TNXB: variants seen among roughly 807,000 people sequenced by gnomAD.
The protein encoded by TNXB is tenascin-X.
In TNXB, 183 loss-of-function variants were observed where a neutral mutation model predicts 340.5. The observed-to-expected ratio is 0.54, with a 90% CI of 0.48 to 0.61. TNXB has a LOEUF of 0.61. Ranked by LOEUF, TNXB falls within the 20% of genes least tolerant of loss-of-function variation. The pLI is 0.00. For missense variants in TNXB, 4,613 were observed against 5,446.4 expected (o/e 0.85, Z 4.82); for synonymous variants, 2,121 against 2,314.5 (o/e 0.92, Z 2.40).
intron 4 of TNXB, 90 bp downstream of exon 4, chr6:32,094,986 A>G: frequency 9.1e-7 from 1 of 1,099,392 alleles, no homozygotes; most frequent in Non-Finnish European, 1.3e-6. Context: ...GGACTCAACC[A>G]ATGATCACCT....
intron 1 of TNXB, among the ~76,000 whole-genome samples, chr6:32,105,403 T>C (rs1485951288): frequency 6.6e-6 from 1 of 152,220 alleles, no homozygotes; most frequent in South Asian, 2.1e-4. Flanking sequence ...TCCAAAGTAA[T>C]AATAAATATA....
Position 32,053,515 on chromosome 6 carries a change from C to T in TNXB, c.8664G>A (p.Val2888=). 1.2e-6 allele frequency: 2 copies of T among 1,613,596 alleles called. No homozygotes were observed. Among genetic ancestry groups the T allele is most frequent in the Non-Finnish European group, 8.5e-7 (1 of 1,179,888 alleles). ...YRNGDGQPKV[V]RVPGHEDGVT... is the part of the protein sequence containing the mutation. ...CCCCGTCCTCGTGCCCCGGCACCCG[C>T]ACCACCTTGGGCTGCCCATCCCCAT... Residue 2888 remains valine (V), a synonymous_variant, in exon 25 of 44, where the codon GTG becomes GTA. Transcript: ENST00000644971.
Position 32,092,576 on chromosome 6 carries a change from G to A in TNXB, c.2358+2500C>T, listed in dbSNP as rs140603384. 7.9e-4 allele frequency among the ~76,000 whole-genome samples: 120 copies of A among 152,056 alleles called. 2 individuals are homozygous for A. In the Middle Eastern group the frequency reaches 0.014, roughly 17 times the overall value. ...ATTGTGGCAGGTGTCTGTAATCCCA[G>A]CTACTTGGGAGGCTGAGGCAGGAGA... On this transcript the variant is annotated intron_variant, in intron 4 of 43. Coordinates refer to ENST00000644971, the MANE Select transcript of TNXB (RefSeq NM_001365276.2).
chr6:32,069,931 ATT>A lies in TNXB; in HGVS notation c.5279-72_5279-71del. The A allele has an allele frequency of 6.8e-7, 1 of 1,470,766 alleles. No individual in the cohort carries two copies. The highest frequency in any genetic ancestry group is 1.4e-5 in the African/African-American group (1 of 71,474). 91.1% of individuals were successfully genotyped at this position (1,470,766 alleles called of 1,614,324 possible). A position where few individuals can be genotyped will look rare whatever the true frequency, so the allele number is the denominator to read the frequency against. On this transcript the variant is annotated intron_variant, in intron 14 of 43. Transcript: ENST00000644971. This position sits in a 1 kb window ranked among gnomAD's most constrained non-coding sequence, Gnocchi z 6.2. Reference sequence around the variant, plus strand: ...AGACTGGGTGACCTCGACGGGCAGGATTGAGAGGTCTGGAGACAGGGCTTTGC... The same window carrying A: ...AGACTGGGTGACCTCGACGGGCAGGAGAGAGGTCTGGAGACAGGGCTTTGC...
At chr6:32,071,476 A>G (rs1451887415) in intron 13 of TNXB, among the ~76,000 whole-genome samples, 1 of 152,036 alleles carries the variant, frequency 6.6e-6, no homozygotes, top group Non-Finnish European at 1.5e-5. Flanking sequence ...CTCATCCAAC[A>G]AAAGTGGAAA....
intron 1 of TNXB, among the ~76,000 whole-genome samples, chr6:32,107,739 G>A (rs1781051189): frequency 6.6e-6 from 1 of 152,138 alleles, no homozygotes; most frequent in Non-Finnish European, 1.5e-5. Flanking sequence ...GGTGGGGAGA[G>A]GGGCTGGCTT....
Position 32,058,240 on chromosome 6 carries a change from C to G in TNXB, c.7643G>C (p.Arg2548Pro), listed in dbSNP as rs769703381. The change falls in exon 22 of 44, where the codon CGC becomes CCC. Residue 2548 changes from arginine to proline, a missense_variant. Around this residue, in one of 7 missense-constraint regions of TNXB, gnomAD observed 4,327 missense variants for 4,859.4 expected, o/e 0.89. Coordinates refer to ENST00000644971, the MANE Select transcript of TNXB (RefSeq NM_001365276.2). The surrounding 1 kb of genome is among the most constrained non-coding windows in gnomAD (Gnocchi z 5.1). ...GTACTGCACGGTGAAGGAGTCAAAG[C>G]GGCCCTGGGGGACGGTCCAGGAAAG... ...LSLSWTVPQG[R>P]FDSFTVQYKD... The G allele has an allele frequency of 1.2e-6, 2 of 1,612,426 alleles. No homozygotes were observed. Among genetic ancestry groups the G allele is most frequent in the South Asian group, 2.2e-5 (2 of 91,062 alleles).
chr6:32,052,570 G>A lies in TNXB; in HGVS notation c.9115+100C>T. The A allele has an allele frequency of 2.7e-6, 4 of 1,472,198 alleles. No individual in the cohort carries two copies. The highest frequency in any genetic ancestry group is 2.3e-5 in the East Asian group (1 of 43,204). The allele number at this position is 1,472,198 out of a possible 1,614,324, so 91.2% of individuals were successfully genotyped here. On this transcript the variant is annotated intron_variant, in intron 26 of 43. Coordinates refer to ENST00000644971, the MANE Select transcript of TNXB (RefSeq NM_001365276.2). This position sits in a 1 kb window ranked among gnomAD's most constrained non-coding sequence, Gnocchi z 4.7. ...ATCTCCAGGCATTTGGATACACAAA[G>A]GAAGGAATACTCTTCAGAGTATGTT...
At position 32,081,933 on chromosome 6, in the gene TNXB, A is replaced by C. The variant is rs1322346436; in HGVS notation, c.3736+103T>G. The stretch of plus-strand genomic sequence containing the variant: ...CCCTGGAGTGGGGCCGGGAAGCTGG[A>C]GTCAGCTGTCTTGCTGGGGGACCCC... On this transcript the variant is annotated intron_variant, in intron 9 of 43. Transcript: ENST00000644971. The surrounding 1 kb of genome is among the most constrained non-coding windows in gnomAD (Gnocchi z 5.1). The C allele has an allele frequency of 8.5e-7, 1 of 1,178,204 alleles. No homozygotes were observed. Among genetic ancestry groups the C allele is most frequent in the Non-Finnish European group, 1.2e-6 (1 of 840,350 alleles). The allele number at this position is 1,178,204 out of a possible 1,614,324, so 73.0% of individuals were successfully genotyped here. A position where few individuals can be genotyped will look rare whatever the true frequency, so the allele number is the denominator to read the frequency against.
chr6:32,070,271 C>A lies in TNXB; in HGVS notation c.5134G>T (p.Asp1712Tyr). The change falls in exon 14 of 44, where the codon GAC becomes TAC. Residue 1712 changes from aspartate (D) to tyrosine (Y), a missense_variant. Asp to Tyr is a radical substitution (Grantham distance 160, BLOSUM62 -3). This residue lies in a region of TNXB where 4,327 missense variants were observed against 4,859.4 expected (regional missense o/e 0.89). Coordinates refer to ENST00000644971, the MANE Select transcript of TNXB (RefSeq NM_001365276.2). This position sits in a 1 kb window ranked among gnomAD's most constrained non-coding sequence, Gnocchi z 6.0. The stretch of plus-strand genomic sequence containing the variant: ...TCCACGGGCACCACCTGGGGCCCGT[C>A]TTTGTCCTTGAACTGGACCACAAAA... ...DSFVVQFKDKDGPQVVPVEGH... is the reference protein window; with the variant it reads ...DSFVVQFKDKYGPQVVPVEGH... The A allele has an allele frequency of 6.2e-7, 1 of 1,613,028 alleles. No homozygotes were observed. The highest frequency in any genetic ancestry group is 8.5e-7 in the Non-Finnish European group (1 of 1,179,556).
At chr6:32,041,490 T>C (rs1349800313) in intron 43 of TNXB, 40 bp from the exon 44 acceptor site, 1 of 1,184,768 alleles carries the variant, frequency 8.4e-7, no homozygotes, top group South Asian at 1.3e-5. Context: ...AAGCCGGATG[T>C]CCCATCTGCT....
rs1331242504 is a variant in TNXB at position 32,097,386 on chromosome 6, C to T, written c.467G>A (p.Cys156Tyr). ...CCCACCCCAGCCTGGCTCACAGGAA[C>T]AGGTGCAGCGGCTCAGATCAAACAC... is the stretch of plus-strand genomic sequence containing the variant. Reference protein sequence around the residue: ...HGVFDLSRCTCSCEPGWGGPT... With the variant: ...HGVFDLSRCTYSCEPGWGGPT... The change falls in exon 3 of 44, where the codon TGT (cysteine) becomes TAT (tyrosine). Residue 156 changes from cysteine to tyrosine, a missense_variant. Around this residue, in one of 7 missense-constraint regions of TNXB, gnomAD observed 4,327 missense variants for 4,859.4 expected, o/e 0.89. Transcript: ENST00000644971. The surrounding 1 kb of genome is among the most constrained non-coding windows in gnomAD (Gnocchi z 5.9). 2 of 1,611,090 alleles carry T rather than the reference C, an allele frequency of 1.2e-6. No individual in the cohort carries two copies. Among genetic ancestry groups the T allele is most frequent in the Non-Finnish European group, 8.5e-7 (1 of 1,179,650 alleles).
intron 22 of TNXB, among the ~76,000 whole-genome samples, chr6:32,057,633 ACT>A (rs28993459): frequency 0.11 from 16,777 of 152,120 alleles, 1,131 homozygotes; most frequent in African/African-American, 0.19. Context: ...AGGATGAGAT[ACT>A]CACCGTAAAG....
rs1780477504 is a variant in TNXB, at chr6:32,097,427, G to A, written c.426C>T (p.Leu142=). The A allele has an allele frequency of 2.5e-6, 4 of 1,601,560 alleles. No individual in the cohort carries two copies. The highest frequency in any genetic ancestry group is 1.6e-4 in the Middle Eastern group (1 of 6,068). Residue 142 remains leucine, a synonymous_variant, in exon 3 of 44, where the codon CTC becomes CTT. Transcript: ENST00000644971. This position sits in a 1 kb window ranked among gnomAD's most constrained non-coding sequence, Gnocchi z 5.9. ...GATCAAACACACCATGGAGACTGCAGAGGGTCCGCACATCTGTCTGACCTG... is the reference window on the plus strand; with the variant it reads ...GATCAAACACACCATGGAGACTGCAAAGGGTCCGCACATCTGTCTGACCTG... ...AGTGQTDVRT[L]CSLHGVFDLS... is the part of the protein sequence containing the mutation.
Position 32,081,641 on chromosome 6 carries a change from C to T in TNXB, c.3769G>A (p.Glu1257Lys), listed in dbSNP as rs1779450766. The T allele has an allele frequency of 6.3e-7, 1 of 1,595,578 alleles. No homozygotes were observed. Among genetic ancestry groups the T allele is most frequent in the Non-Finnish European group, 8.5e-7 (1 of 1,171,702 alleles). The change falls in exon 10 of 44, where the codon GAG becomes AAG. Residue 1257 changes from glutamate to lysine, a missense_variant. Glu to Lys is a moderately conservative substitution (Grantham distance 56). This residue lies in a region of TNXB where 4,327 missense variants were observed against 4,859.4 expected (regional missense o/e 0.89). Transcript: ENST00000644971. This position sits in a 1 kb window ranked among gnomAD's most constrained non-coding sequence, Gnocchi z 5.1. ...PERKEEPPRP[E>K]FLEQPLLGEL... is the part of the protein sequence containing the mutation. Reference sequence around the variant, plus strand: ...CCCAGGAGGGGCTGCTCCAGGAACTCAGGGCGGGGGGGCTCCTCTTTCCTC... The same window carrying T: ...CCCAGGAGGGGCTGCTCCAGGAACTTAGGGCGGGGGGGCTCCTCTTTCCTC...
chr6:32,054,408 C>G (rs1470231053), intron 24 of TNXB, among the ~76,000 whole-genome samples: 1 of 152,228 alleles, frequency 6.6e-6, no homozygotes, highest in Non-Finnish European at 1.5e-5. Flanking sequence ...TGGTCCCCTC[C>G]TCTGCTCCCA....
chr6:32,068,008 A>T lies in TNXB; in HGVS notation c.6221-24T>A, dbSNP rs935505189. The T allele has an allele frequency of 1.2e-6, 2 of 1,604,276 alleles. No homozygotes were observed. The highest frequency in any genetic ancestry group is 2.7e-5 in the African/African-American group (2 of 74,498). On this transcript the variant is annotated intron_variant, in intron 17 of 43. Coordinates refer to ENST00000644971, the MANE Select transcript of TNXB (RefSeq NM_001365276.2). The surrounding 1 kb of genome is among the most constrained non-coding windows in gnomAD (Gnocchi z 5.3). ...AGCTGAGAAGGAGGAAGAGAGAGTGAGGGGGATGTCCTTGGGTACTGGGGA... is the reference window on the plus strand; with the variant it reads ...AGCTGAGAAGGAGGAAGAGAGAGTGTGGGGGATGTCCTTGGGTACTGGGGA...
rs777685355 is a variant in TNXB at position 32,047,859 on chromosome 6, G to C, written c.10199C>G (p.Pro3400Arg). The change falls in exon 30 of 44, where the codon CCG (proline) becomes CGG (arginine). Residue 3400 changes from proline to arginine, a missense_variant. This residue lies in a region of TNXB where 4,327 missense variants were observed against 4,859.4 expected (regional missense o/e 0.89). Coordinates refer to ENST00000644971, the MANE Select transcript of TNXB (RefSeq NM_001365276.2). The surrounding 1 kb of genome is among the most constrained non-coding windows in gnomAD (Gnocchi z 6.2). ...GACCTCCCGCTGGTTGGCTGCCACC[G>C]GCACCACCTGGAGCCGACCATCCTT... is the stretch of plus-strand genomic sequence containing the variant. ...KDKDGRLQVV[P>R]VAANQREVTV... 4 of 1,611,956 alleles carry C rather than the reference G, an allele frequency of 2.5e-6. No individual in the cohort carries two copies. In the African/African-American group the frequency reaches 5.3e-5, roughly 22 times the overall value.
At chr6:32,099,479 G>A (rs772170092) in intron 1 of TNXB, among the ~76,000 whole-genome samples, 16 of 151,956 alleles carry the variant, frequency 1.1e-4, no homozygotes, top group Non-Finnish European at 2.2e-4. Flanking sequence ...TGATGTGCCC[G>A]CCTTGGCCTC....
Sources: gnomAD v4.1 joint callset for allele counts (sites outside exome capture counted in the v4.1 genomes callset) on GRCh38, gnomAD v4.1.1 for gene constraint, gnomAD v4.1.1 regional missense constraint, Gnocchi (gnomAD v3.1) non-coding constraint, MANE v1.5 for transcripts, NCBI Gene and HGNC (gene_info 2026-07-23, HGNC 2026-07-21) for gene names.